The following TMCC1 variants were observed in gnomAD, a reference collection of about 807,000 sequenced individuals.
TMCC1 encodes transmembrane and coiled-coil domain family 1.
A neutral mutation model predicts 52.4 loss-of-function variants in TMCC1; 15 were observed. The ratio of observed to expected loss-of-function variants is 0.29; its 90% confidence interval spans 0.19 to 0.44. TMCC1 has a LOEUF of 0.44. Among genes scored for constraint, TMCC1 ranks in the 20% least tolerant of loss-of-function variants. The pLI is 1.00. For missense variants in TMCC1, 503 were observed against 806.0 expected, an observed-to-expected ratio of 0.62 and a Z score of 4.55; for synonymous variants, 279 against 301.9, an observed-to-expected ratio of 0.92 and a Z score of 0.79.
chr3:129,878,484 T>C lies in TMCC1; in HGVS notation c.-184+1825A>G, dbSNP rs2061324700. ...ACCTGCTGACTCTACTTGAAAAATA[T>C]ATCCAGAATCAGATCATGTTACCAC... On this transcript the variant is annotated intron_variant, in intron 2 of 6. Coordinates refer to ENST00000393238, the MANE Select transcript of TMCC1 (RefSeq NM_001017395.5). 2.0e-5 allele frequency among the ~76,000 whole-genome samples: 3 copies of C among 152,272 alleles called. No homozygotes were observed. In the South Asian group the frequency reaches 6.2e-4, roughly 32 times the overall value.
Position 129,820,980 on chromosome 3 carries a change from T to C in TMCC1, c.576+6823A>G, listed in dbSNP as rs1469689029. ...AAGCAGTGGGAAACTTACTTTTTTC[T>C]TTCATCTAAGTTTCTACTTCAAGAG... On this transcript the variant is annotated intron_variant, in intron 4 of 6. Coordinates refer to ENST00000393238, the MANE Select transcript of TMCC1 (RefSeq NM_001017395.5). Among the ~76,000 whole-genome samples, 4 of 152,232 alleles carry C rather than the reference T, an allele frequency of 2.6e-5. No homozygotes were observed. In the East Asian group the frequency reaches 7.7e-4, roughly 29 times the overall value.
intron 4 of TMCC1, among the ~76,000 whole-genome samples, chr3:129,801,945 C>A (rs1353874707): frequency 1.3e-5 from 2 of 152,104 alleles, no homozygotes; most frequent in Non-Finnish European, 1.5e-5. Flanking sequence ...GGCTCCTGTA[C>A]CAAATAGTGT....
chr3:129,772,089 C>G (rs2054627122), intron 4 of TMCC1, among the ~76,000 whole-genome samples: 1 of 152,122 alleles, frequency 6.6e-6, no homozygotes, highest in South Asian at 2.1e-4. Flanking sequence ...CCAGGTGTGG[C>G]AGTCCACACC....
intron 4 of TMCC1, among the ~76,000 whole-genome samples, chr3:129,757,651 T>C (rs1186581843): frequency 6.6e-6 from 1 of 151,942 alleles, no homozygotes; most frequent in Non-Finnish European, 1.5e-5. Flanking sequence ...TGAAACCCCG[T>C]CTCTACTAAA....
In TMCC1 at chr3:129,664,289, G is replaced by A. The variant is rs562183360; in HGVS notation, c.1511+6041C>T. On this transcript the variant is annotated intron_variant, in intron 5 of 6. Coordinates refer to ENST00000393238, the MANE Select transcript of TMCC1 (RefSeq NM_001017395.5). ...ACATAGAATAAAGGGGCTAAAACAGGTACCTCTGAGCATACATCTGAGCAT... is the reference window on the plus strand; with the variant it reads ...ACATAGAATAAAGGGGCTAAAACAGATACCTCTGAGCATACATCTGAGCAT... 2.0e-5 allele frequency among the ~76,000 whole-genome samples: 3 copies of A among 152,214 alleles called. No homozygotes were observed. The East Asian group carries it at 5.8e-4, about 29-fold the overall frequency.
In TMCC1 at chr3:129,648,612, T is replaced by C. The variant is rs544836543; in HGVS notation, c.*2869A>G. 2.0e-4 allele frequency: 31 copies of C among 152,150 alleles called. No individual in the cohort carries two copies. The highest frequency in any genetic ancestry group is 7.5e-4 in the African/African-American group (31 of 41,438). 9.4% of individuals were successfully genotyped at this position (152,150 alleles called of 1,614,324 possible). ...ATCACCCAGGCCAACACAGCCAGCT[T>C]CACTCACCCAGGCTAGAGGCATGGA... On this transcript the variant is annotated 3_prime_UTR_variant, in exon 7 of 7. Transcript: ENST00000393238.
intron 4 of TMCC1, among the ~76,000 whole-genome samples, chr3:129,686,830 T>C (rs2089441026): frequency 6.6e-6 from 1 of 152,204 alleles, no homozygotes; most frequent in African/African-American, 2.4e-5. Context: ...AGATTGCTAC[T>C]TTAATCAGGC....
At chr3:129,703,264 AT>A (rs1320634465) in intron 4 of TMCC1, among the ~76,000 whole-genome samples, 4 of 152,236 alleles carry the variant, frequency 2.6e-5, no homozygotes, top group Admixed American at 2.6e-4. Context: ...GAAAACAGAT[AT>A]GATAGATATT....
At chr3:129,807,758 A>G (rs1013866692) in intron 4 of TMCC1, among the ~76,000 whole-genome samples, 74 of 152,344 alleles carry the variant, frequency 4.9e-4, no homozygotes, top group African/African-American at 1.7e-3. Context: ...AACTACCATT[A>G]AAGTATAAAG....
intron 5 of TMCC1, 76 bp from the exon 6 acceptor site, chr3:129,655,179 C>T (rs899268921): frequency 5.5e-5 from 85 of 1,533,624 alleles, no homozygotes; most frequent in Non-Finnish European, 6.8e-5. Flanking sequence ...ATCCAACTCC[C>T]AAAACACATT....
chr3:129,790,496 GTAAAA>G (rs893942139), intron 4 of TMCC1, among the ~76,000 whole-genome samples: 7 of 152,042 alleles, frequency 4.6e-5, no homozygotes, highest in African/African-American at 1.7e-4. Context: ...CCATTCAAAA[GTAAAA>G]TAAAAGGGTA....
At chr3:129,740,217 G>A (rs992914136) in intron 4 of TMCC1, among the ~76,000 whole-genome samples, 2 of 152,140 alleles carry the variant, frequency 1.3e-5, no homozygotes, top group African/African-American at 4.8e-5. Flanking sequence ...CATCTCAGAT[G>A]TATTCTCCTA....
chr3:129,886,940 T>C (rs1487992883), intron 1 of TMCC1, among the ~76,000 whole-genome samples: 1 of 151,410 alleles, frequency 6.6e-6, no homozygotes, highest in Non-Finnish European at 1.5e-5. Context: ...CCGTCTCAAA[T>C]AAAATAAAAT....
intron 4 of TMCC1, among the ~76,000 whole-genome samples, chr3:129,718,250 G>A (rs1246071463): frequency 6.6e-6 from 1 of 152,190 alleles, no homozygotes; most frequent in Non-Finnish European, 1.5e-5. Context: ...CAAAGATGCA[G>A]TATTAAATCG....
chr3:129,665,887 G>A (rs932649429), intron 5 of TMCC1, among the ~76,000 whole-genome samples: 2 of 152,264 alleles, frequency 1.3e-5, no homozygotes, highest in African/African-American at 4.8e-5. Flanking sequence ...GCAAATGTAC[G>A]TAAAACATCT....
chr3:129,708,674 C>T (rs576934539), intron 4 of TMCC1, among the ~76,000 whole-genome samples: 149 of 152,314 alleles, frequency 9.8e-4, no homozygotes, highest in African/African-American at 3.5e-3. Context: ...AGAGGTTGAA[C>T]TGGACAGGGA....
intron 4 of TMCC1, among the ~76,000 whole-genome samples, chr3:129,715,887 C>A (rs1199755912): frequency 2.0e-5 from 3 of 152,078 alleles, no homozygotes; most frequent in Non-Finnish European, 2.9e-5. Flanking sequence ...TAACTGAGTA[C>A]CTCCATCTAA....
rs139111909 is a variant in TMCC1 at position 129,834,223 on chromosome 3, G to A, written c.-183-1397C>T. On this transcript the variant is annotated intron_variant, in intron 2 of 6. Transcript: ENST00000393238. ...CAGAAAGATGTGGGCCAATACCTTC[G>A]GCCAGCAGGCAGTAATCACAGTATG... Among the ~76,000 whole-genome samples, 193 of 152,240 alleles carry A rather than the reference G, an allele frequency of 1.3e-3. 1 individual carries two copies. Among genetic ancestry groups the A allele is most frequent in the African/African-American group, 4.5e-3 (185 of 41,512 alleles).
chr3:129,682,370 A>C (rs1218853489), intron 4 of TMCC1, among the ~76,000 whole-genome samples: 1 of 152,196 alleles, frequency 6.6e-6, no homozygotes, highest in Non-Finnish European at 1.5e-5. Context: ...TTCAAATGAA[A>C]TACTCAAATA....
Sources: allele counts gnomAD v4.1 joint callset (sites outside exome capture counted in the v4.1 genomes callset), GRCh38; gene constraint gnomAD v4.1.1; transcripts MANE v1.5; gene names NCBI Gene and HGNC (gene_info 2026-07-23, HGNC 2026-07-21).